Variants in RGS7 observed in about 807,000 individuals in gnomAD.
The protein encoded by RGS7 is regulator of G-protein signaling 7.
Under a neutral mutation model 81.1 loss-of-function variants are expected in RGS7, and 27 were observed. The observed-to-expected ratio is 0.33, with a 90% CI of 0.25 to 0.46. The LOEUF is 0.46. Ranked by LOEUF, RGS7 falls within the 20% of genes least tolerant of loss-of-function variation. The probability of loss-of-function intolerance (pLI) is 1.00; values close to 1 mark genes in which losing one functional copy is unlikely to be tolerated. For missense variants in RGS7, 396 were observed against 607.4 expected, an observed-to-expected ratio of 0.65 and a Z score of 3.66; for synonymous variants, 208 against 207.7, an observed-to-expected ratio of 1.00 and a Z score of -0.01.
intron 2 of RGS7, among the ~76,000 whole-genome samples, chr1:241,140,548 C>A (rs1361761836): frequency 6.6e-6 from 1 of 152,244 alleles, no homozygotes; most frequent in African/African-American, 2.4e-5. Flanking sequence ...GGACTACGGG[C>A]AAGTGCCACC....
At chr1:241,269,558 G>C (rs904974698) in intron 2 of RGS7, among the ~76,000 whole-genome samples, 4 of 152,218 alleles carry the variant, frequency 2.6e-5, no homozygotes, top group African/African-American at 7.2e-5. Context: ...TTCAGCTTGT[G>C]TGTCCATATG....
At chr1:241,109,738 G>A (rs1178828721) in intron 2 of RGS7, among the ~76,000 whole-genome samples, 10 of 151,912 alleles carry the variant, frequency 6.6e-5, no homozygotes, top group African/African-American at 1.7e-4. Context: ...CAGGTGGATC[G>A]CCTTAGTTCA....
rs1245872740 is a variant in RGS7, at chr1:240,802,996, A to G, written c.1270-3T>C. 1.3e-6 allele frequency: 2 copies of G among 1,582,684 alleles called. No individual in the cohort carries two copies. The highest frequency in any genetic ancestry group is 2.7e-5 in the African/African-American group (2 of 74,386). On this transcript the variant is annotated splice_region_variant and splice_polypyrimidine_tract_variant and intron_variant, in intron 15 of 18. Transcript: ENST00000440928. The stretch of plus-strand genomic sequence containing the variant: ...TTCATCAGTTTGTAAATGTGCTCCT[A>G]AAAAGAAATAATGGTTGAGGTGCTT...
chr1:240,816,533 C>T (rs1690830809), intron 10 of RGS7, 118 bp from the exon 11 acceptor site: 1 of 697,928 alleles, frequency 1.4e-6, no homozygotes, highest in Non-Finnish European at 2.5e-6. Flanking sequence ...TTTGATTAAG[C>T]TTCTTAACAA....
intron 2 of RGS7, among the ~76,000 whole-genome samples, chr1:241,209,242 T>C (rs776390215): frequency 1.3e-5 from 2 of 152,136 alleles, no homozygotes; most frequent in Non-Finnish European, 2.9e-5. Flanking sequence ...GACACACTTA[T>C]CTATGTGTGA....
At chr1:241,333,693 C>A (rs966274621) in intron 2 of RGS7, among the ~76,000 whole-genome samples, 1 of 151,784 alleles carries the variant, frequency 6.6e-6, no homozygotes, top group South Asian at 2.1e-4. Context: ...AATTTTACAG[C>A]GAATTAAGGG....
intron 9 of RGS7, among the ~76,000 whole-genome samples, chr1:240,866,284 C>T (rs1663223707): frequency 1.3e-5 from 2 of 151,968 alleles, no homozygotes; most frequent in Non-Finnish European, 2.9e-5. Flanking sequence ...GGCTGAGGCG[C>T]GTGGATCACG....
rs1457361612 is a variant in RGS7, at chr1:241,144,324, A to G, written c.79-45562T>C. Among the ~76,000 whole-genome samples, 3 of 152,124 alleles carry G rather than the reference A, an allele frequency of 2.0e-5. No individual in the cohort carries two copies. The highest frequency in any genetic ancestry group is 4.1e-4 in the South Asian group (2 of 4,830). ...TCCTGCAAACGCATCCATCACACAC[A>G]CATGTGGATACGCACAGGCACACAC... is the stretch of plus-strand genomic sequence containing the variant. On this transcript the variant is annotated intron_variant, in intron 2 of 18. Transcript: ENST00000440928. The surrounding 1 kb of genome is among the most constrained non-coding windows in gnomAD (Gnocchi z 4.7).
intron 2 of RGS7, among the ~76,000 whole-genome samples, chr1:241,168,795 A>G (rs1171113821): frequency 6.6e-6 from 1 of 152,034 alleles, no homozygotes; most frequent in Non-Finnish European, 1.5e-5. Context: ...AGAGAGAACT[A>G]GGCCAAGAGC....
chr1:241,212,169 G>A (rs2074281720), intron 2 of RGS7, among the ~76,000 whole-genome samples: 1 of 151,880 alleles, frequency 6.6e-6, no homozygotes, highest in Admixed American at 6.6e-5. Context: ...TACTAATTGA[G>A]TAATAATAAC....
chr1:240,816,041 A>T (rs1690744315), intron 11 of RGS7, among the ~76,000 whole-genome samples: 1 of 152,244 alleles, frequency 6.6e-6, no homozygotes, highest in Non-Finnish European at 1.5e-5. Flanking sequence ...CTTACAAATC[A>T]GCATATGTGA....
intron 5 of RGS7, among the ~76,000 whole-genome samples, chr1:240,936,269 T>C (rs1372648603): frequency 6.6e-6 from 1 of 152,196 alleles, no homozygotes; most frequent in Non-Finnish European, 1.5e-5. Context: ...ATGGTCTGGA[T>C]CACAGGCAAG....
intron 4 of RGS7, among the ~76,000 whole-genome samples, chr1:240,970,461 A>C (rs1444154621): frequency 6.6e-6 from 1 of 152,214 alleles, no homozygotes; most frequent in Admixed American, 6.5e-5. Context: ...CAAACGCAAC[A>C]CCAAAAACAA....
chr1:241,199,145 C>T (rs1223619874), intron 2 of RGS7, among the ~76,000 whole-genome samples: 1 of 151,936 alleles, frequency 6.6e-6, no homozygotes, highest in Non-Finnish European at 1.5e-5. Flanking sequence ...ATAATAAAAG[C>T]CCTTAGCAAA....
intron 4 of RGS7, among the ~76,000 whole-genome samples, chr1:240,963,135 GGAGT>G (rs1681734514): frequency 1.3e-5 from 2 of 152,276 alleles, no homozygotes; most frequent in Admixed American, 1.3e-4. Flanking sequence ...GTTGGAATGA[GGAGT>G]GAGATAGTGG....
At chr1:241,089,063 C>CTCTATATATATATATATATATATATA (rs1374552672) in intron 3 of RGS7, among the ~76,000 whole-genome samples, 1 of 23,704 alleles carries the variant, frequency 4.2e-5, no homozygotes, top group African/African-American at 2.3e-4. Context: ...CTCTCTCTCT[C>CTCTATATATATATATATATATATATA]TATATATATA....
chr1:241,041,829 T>G (rs966804416), intron 3 of RGS7, among the ~76,000 whole-genome samples: 3 of 151,050 alleles, frequency 2.0e-5, no homozygotes, highest in African/African-American at 7.4e-5. Context: ...AGTACTACCT[T>G]TGGTAGTACT....
At chr1:240,936,768 A>G in intron 4 of RGS7, 62 bp from the exon 5 acceptor site, 6 of 1,267,292 alleles carry the variant, frequency 4.7e-6, no homozygotes, top group Non-Finnish European at 6.9e-6. Context: ...TTTTATAGGA[A>G]TGTAACGTTT....
chr1:241,337,462 C>T (rs1476501537), intron 2 of RGS7, among the ~76,000 whole-genome samples: 1 of 152,086 alleles, frequency 6.6e-6, no homozygotes, highest in Non-Finnish European at 1.5e-5. Flanking sequence ...GGTTCCTGCA[C>T]AATTTTTCTT....
Sources: allele counts gnomAD v4.1 joint callset (sites outside exome capture counted in the v4.1 genomes callset), GRCh38; gene constraint gnomAD v4.1.1; non-coding constraint Gnocchi (gnomAD v3.1); transcripts MANE v1.5; gene names NCBI Gene and HGNC (gene_info 2026-07-23, HGNC 2026-07-21).